ENOX1: variants seen among roughly 807,000 people sequenced by gnomAD.
ENOX1 encodes ecto-NOX disulfide-thiol exchanger 1.
A neutral mutation model predicts 82.5 loss-of-function variants in ENOX1; 42 were observed. The ratio of observed to expected loss-of-function variants is 0.51; its 90% CI spans 0.40 to 0.66. The LOEUF is 0.66. Among genes scored for constraint, ENOX1 ranks in the 30% least tolerant of loss-of-function variants. The pLI is 0.00. For synonymous variants in ENOX1, 271 were observed against 282.2 expected, an observed-to-expected ratio of 0.96 and a Z score of 0.40; for missense variants, 608 against 811.6, an observed-to-expected ratio of 0.75 and a Z score of 3.05.
At chr13:43,281,951 G>A (rs1167566608) in intron 12 of ENOX1, among the ~76,000 whole-genome samples, 1 of 152,104 alleles carries the variant, frequency 6.6e-6, no homozygotes, top group Non-Finnish European at 1.5e-5. Context: ...GATTATATGA[G>A]GATTGAAAGA....
rs147765803 is a variant in ENOX1, at chr13:43,326,545, C to T, written c.1037-20G>A. Reference sequence around the variant, plus strand: ...GCTCAACTTTGGTGAACAAGGAAGTCAAACAAGACAAGTAATTTATGTTGT... The same window carrying T: ...GCTCAACTTTGGTGAACAAGGAAGTTAAACAAGACAAGTAATTTATGTTGT... On this transcript the variant is annotated intron_variant, in intron 9 of 16. Coordinates refer to ENST00000690772, the MANE Select transcript of ENOX1 (RefSeq NM_001347969.2). 6.3e-7 allele frequency: 1 copy of T among 1,589,690 alleles called. No individual in the cohort carries two copies. The highest frequency in any genetic ancestry group is 1.3e-5 in the African/African-American group (1 of 74,540).
intron 1 of ENOX1, among the ~76,000 whole-genome samples, chr13:43,697,835 G>T (rs1464880391): frequency 6.6e-6 from 1 of 152,128 alleles, no homozygotes; most frequent in Non-Finnish European, 1.5e-5. Flanking sequence ...AGACTGGTTT[G>T]GGTCCCCATA....
chr13:43,579,574 A>G (rs2080609806), intron 2 of ENOX1, among the ~76,000 whole-genome samples: 1 of 152,156 alleles, frequency 6.6e-6, no homozygotes, highest in Admixed American at 6.5e-5. Flanking sequence ...TTTATCTTTC[A>G]CTATCCATGT....
intron 2 of ENOX1, among the ~76,000 whole-genome samples, chr13:43,634,418 T>A (rs1055955469): frequency 2.6e-5 from 4 of 152,174 alleles, no homozygotes; most frequent in Admixed American, 6.5e-5. Flanking sequence ...CTACGATGGA[T>A]TTCATTCTTC....
At chr13:43,688,423 C>A (rs1268749572) in intron 1 of ENOX1, among the ~76,000 whole-genome samples, 1 of 152,050 alleles carries the variant, frequency 6.6e-6, no homozygotes, top group Non-Finnish European at 1.5e-5. Context: ...TGGCAATTGA[C>A]CAGATGAGAG....
At chr13:43,760,950 A>C (rs1237030586) in intron 1 of ENOX1, among the ~76,000 whole-genome samples, 4 of 151,948 alleles carry the variant, frequency 2.6e-5, no homozygotes, top group Non-Finnish European at 4.4e-5. Context: ...ATTATACAGA[A>C]TTTTCCCTAG....
intron 5 of ENOX1, among the ~76,000 whole-genome samples, chr13:43,392,905 A>G (rs998755940): frequency 6.6e-6 from 1 of 152,188 alleles, no homozygotes; most frequent in Non-Finnish European, 1.5e-5. Context: ...TTTTGAAGAA[A>G]TATCTTTGCT....
At chr13:43,451,841 G>C (rs926237730) in intron 3 of ENOX1, among the ~76,000 whole-genome samples, 5 of 152,014 alleles carry the variant, frequency 3.3e-5, no homozygotes, top group Admixed American at 1.3e-4. Flanking sequence ...AAATAAAACA[G>C]ACAAAATCCC....
intron 1 of ENOX1, among the ~76,000 whole-genome samples, chr13:43,767,564 A>G (rs1360753036): frequency 6.6e-6 from 1 of 152,234 alleles, no homozygotes; most frequent in African/African-American, 2.4e-5. Context: ...GTTTCTAACA[A>G]TCAGTGCAAT....
chr13:43,412,215 A>T (rs1566152392), intron 4 of ENOX1, among the ~76,000 whole-genome samples, 162 bp from the exon 5 acceptor site: 1 of 152,222 alleles, frequency 6.6e-6, no homozygotes. Context: ...CTAGACATAA[A>T]CACAAAGTGT....
intron 15 of ENOX1, among the ~76,000 whole-genome samples, chr13:43,229,005 G>A (rs550982642): frequency 6.6e-6 from 1 of 152,300 alleles, no homozygotes; most frequent in East Asian, 1.9e-4. Flanking sequence ...ATTCCCACAT[G>A]TTGTGGGAGG....
intron 3 of ENOX1, among the ~76,000 whole-genome samples, chr13:43,465,704 C>T (rs1036730209): frequency 5.9e-5 from 9 of 152,162 alleles, no homozygotes; most frequent in Non-Finnish European, 1.0e-4. Context: ...GTTTCTGTGT[C>T]TGTCCGTATG....
chr13:43,761,257 A>G (rs564793221), intron 1 of ENOX1, among the ~76,000 whole-genome samples: 1 of 152,350 alleles, frequency 6.6e-6, no homozygotes, highest in African/African-American at 2.4e-5. Flanking sequence ...AAAACCAGTG[A>G]AAATTTTTAA....
At chr13:43,482,399 G>A (rs1297834514) in intron 3 of ENOX1, among the ~76,000 whole-genome samples, 1 of 152,172 alleles carries the variant, frequency 6.6e-6, no homozygotes, top group Non-Finnish European at 1.5e-5. Flanking sequence ...AGTACTGCAT[G>A]ATTTCATTCA....
At chr13:43,518,854 T>C (rs776228966) in intron 2 of ENOX1, among the ~76,000 whole-genome samples, 4 of 152,134 alleles carry the variant, frequency 2.6e-5, no homozygotes, top group African/African-American at 7.2e-5. Flanking sequence ...TCATGTGTAA[T>C]ACACACACTC....
intron 1 of ENOX1, among the ~76,000 whole-genome samples, chr13:43,785,577 C>G (rs941522035): frequency 6.6e-6 from 1 of 152,124 alleles, no homozygotes; most frequent in Admixed American, 6.5e-5. Context: ...TGTAATGTTA[C>G]AGCAGTGAAA....
chr13:43,721,343 A>G (rs890958812), intron 1 of ENOX1, among the ~76,000 whole-genome samples: 8 of 151,214 alleles, frequency 5.3e-5, no homozygotes, highest in Non-Finnish European at 2.9e-5. Context: ...CAGAGACTAC[A>G]TAAATAAGAA....
At chr13:43,316,497 C>A (rs1217606414) in intron 11 of ENOX1, among the ~76,000 whole-genome samples, 1 of 152,064 alleles carries the variant, frequency 6.6e-6, no homozygotes, top group Non-Finnish European at 1.5e-5. Flanking sequence ...AGTTTAGGCT[C>A]CAAGTGTGAA....
chr13:43,714,226 G>C (rs1223037748), intron 1 of ENOX1, among the ~76,000 whole-genome samples: 1 of 152,152 alleles, frequency 6.6e-6, no homozygotes, highest in Non-Finnish European at 1.5e-5. Context: ...GAGTGGTTTT[G>C]AGTGAGTTTC....
Sources: allele counts gnomAD v4.1 joint callset (sites outside exome capture counted in the v4.1 genomes callset), GRCh38; gene constraint gnomAD v4.1.1; transcripts MANE v1.5; gene names NCBI Gene and HGNC (gene_info 2026-07-23, HGNC 2026-07-21).